Variants in NCKAP5 observed in about 807,000 individuals in gnomAD.
The protein encoded by NCKAP5 is NCK associated protein 5.
In NCKAP5, 92 loss-of-function variants were observed where a neutral mutation model predicts 167.0. That is an observed-to-expected ratio of 0.55 (90% CI 0.47 to 0.66). The LOEUF is 0.66. Ranked by LOEUF, NCKAP5 falls within the 30% of genes least tolerant of loss-of-function variation. The pLI, the probability that NCKAP5 is intolerant of heterozygous loss-of-function variation, is 0.00. For synonymous variants in NCKAP5, 891 were observed against 877.4 expected (o/e 1.02, Z -0.27); for missense variants, 2,378 against 2,315.0 (o/e 1.03, Z -0.56).
intron 12 of NCKAP5, among the ~76,000 whole-genome samples, chr2:132,793,292 G>A (rs2105133055): frequency 6.6e-6 from 1 of 152,340 alleles, no homozygotes; most frequent in African/African-American, 2.4e-5. Flanking sequence ...ACAGGTGTGA[G>A]CCACCGTGCC....
intron 5 of NCKAP5, among the ~76,000 whole-genome samples, chr2:133,154,536 T>C (rs1024785709): frequency 6.6e-6 from 1 of 152,224 alleles, no homozygotes; most frequent in South Asian, 2.1e-4. Context: ...GCTGAGATAA[T>C]ATGGCTTAGG....
chr2:133,308,046 C>A (rs1333954453), intron 3 of NCKAP5, among the ~76,000 whole-genome samples: 2 of 148,790 alleles, frequency 1.3e-5, no homozygotes, highest in Non-Finnish European at 3.0e-5. Context: ...GTGCATAAAT[C>A]ACTTTGAATA....
intron 3 of NCKAP5, among the ~76,000 whole-genome samples, chr2:133,511,380 T>G (rs1054279369): frequency 6.6e-6 from 1 of 152,176 alleles, no homozygotes. Context: ...CCCGGAGATC[T>G]GCACTGTTGG....
Position 132,782,222 on chromosome 2 carries a change from GT to G in NCKAP5, c.4588del (p.Thr1530ProfsTer3). ...LSSRKMDISKTKVEKKDAKVL... is the reference protein window; with the variant it reads ...LSSRKMDISKXKVEKKDAKVL... ...TTTTGCATCTTTCTTTTCTACTTTG[GT>G]TTTGGAGATGTCCATTTTCCTGCTA... On this transcript the variant is annotated frameshift_variant, in exon 14 of 20. Transcript: ENST00000409261. LOFTEE classifies it high-confidence loss of function. 1 of 1,613,518 alleles carries G rather than the reference GT, an allele frequency of 6.2e-7. No individual in the cohort carries two copies. Among genetic ancestry groups the G allele is most frequent in the Non-Finnish European group, 8.5e-7 (1 of 1,179,824 alleles).
Position 132,785,135 on chromosome 2 carries a change from A to G in NCKAP5, c.1676T>C (p.Val559Ala). The change falls in exon 14 of 20, where the codon GTA becomes GCA. Residue 559 changes from valine to alanine, a missense_variant. Coordinates refer to ENST00000409261, the MANE Select transcript of NCKAP5 (RefSeq NM_207363.3). Reference sequence around the variant, plus strand: ...GCCCTGTGGGCCCCTCTCCCTCTGTACCTGAGGCGTCTGCACACTTGGGCA... The same window carrying G: ...GCCCTGTGGGCCCCTCTCCCTCTGTGCCTGAGGCGTCTGCACACTTGGGCA... ...KLCPSVQTPQVQRERGPQGQG... is the reference protein window; with the variant it reads ...KLCPSVQTPQAQRERGPQGQG... 6.2e-7 allele frequency: 1 copy of G among 1,611,984 alleles called. No homozygotes were observed. The highest frequency in any genetic ancestry group is 8.5e-7 in the Non-Finnish European group (1 of 1,179,254).
At chr2:133,436,070 C>T (rs1574951601) in intron 3 of NCKAP5, among the ~76,000 whole-genome samples, 1 of 152,298 alleles carries the variant, frequency 6.6e-6, no homozygotes, top group African/African-American at 2.4e-5. Flanking sequence ...CCCATACATG[C>T]AATTAATTTT....
rs529754829 is a variant in NCKAP5 at position 132,933,117 on chromosome 2, G to T, written c.579+30603C>A. ...TATTTTTGTATTTTTAGTAGAGACG[G>T]GGTTTCACCGTGTTAGCCAGGATGG... On this transcript the variant is annotated intron_variant, in intron 8 of 19. Transcript: ENST00000409261. 9.2e-5 allele frequency among the ~76,000 whole-genome samples: 14 copies of T among 152,018 alleles called. No homozygotes were observed. In the South Asian group the frequency reaches 2.7e-3, roughly 29 times the overall value.
chr2:133,308,901 G>A (rs963245956), intron 3 of NCKAP5, among the ~76,000 whole-genome samples: 16 of 149,174 alleles, frequency 1.1e-4, no homozygotes, highest in African/African-American at 3.2e-4. Context: ...TAGTAGAGAC[G>A]GGGTTTCACC....
At chr2:133,538,931 GTTTTTT>G (rs71412735) in intron 2 of NCKAP5, among the ~76,000 whole-genome samples, 10 of 108,552 alleles carry the variant, frequency 9.2e-5, no homozygotes, top group South Asian at 6.2e-4. Context: ...GTTTTTTTGG[GTTTTTT>G]TTTTTTTTTT....
chr2:133,609,178 G>A, the NCKAP5 span, among the ~76,000 whole-genome samples: 362 of 152,164 alleles, frequency 2.4e-3, no homozygotes, highest in Middle Eastern at 6.8e-3. Context: ...TATTTTTAAT[G>A]TACTCATTTT....
chr2:132,785,923 G>A (rs1683528662), intron 13 of NCKAP5, among the ~76,000 whole-genome samples: 1 of 152,210 alleles, frequency 6.6e-6, no homozygotes, highest in African/African-American at 2.4e-5. Flanking sequence ...GAAGCACAGC[G>A]ATCTAAAGAA....
chr2:133,045,066 A>G (rs1280005327), intron 6 of NCKAP5, among the ~76,000 whole-genome samples: 1 of 152,100 alleles, frequency 6.6e-6, no homozygotes, highest in South Asian at 2.1e-4. Flanking sequence ...GAAGAAAAAA[A>G]AAAGAAAGAA....
chr2:133,631,713 C>T, the NCKAP5 span, among the ~76,000 whole-genome samples: 3 of 152,178 alleles, frequency 2.0e-5, no homozygotes, highest in African/African-American at 7.2e-5. Context: ...AGTCTTCCAT[C>T]CTCATGGCCA....
intron 11 of NCKAP5, among the ~76,000 whole-genome samples, chr2:132,841,524 T>A (rs533262893): frequency 6.6e-6 from 1 of 152,108 alleles, no homozygotes; most frequent in African/African-American, 2.4e-5. Context: ...CATTTTCACG[T>A]CTTATTACCT....
At chr2:133,165,400 T>C (rs1264122611) in intron 5 of NCKAP5, among the ~76,000 whole-genome samples, 2 of 152,188 alleles carry the variant, frequency 1.3e-5, no homozygotes, top group Non-Finnish European at 2.9e-5. Context: ...TAAGAAAATC[T>C]TTTAAAAGTC....
intron 19 of NCKAP5, among the ~76,000 whole-genome samples, chr2:132,683,104 G>A (rs910287196): frequency 6.6e-6 from 1 of 151,806 alleles, no homozygotes. Context: ...GGCTGGTTTC[G>A]AATACCTGAC....
intron 8 of NCKAP5, among the ~76,000 whole-genome samples, chr2:132,902,687 C>T (rs1054142899): frequency 7.9e-5 from 12 of 152,184 alleles, no homozygotes; most frequent in Non-Finnish European, 1.6e-4. Flanking sequence ...AAAGAATCGC[C>T]GTGAGGCCTC....
intron 8 of NCKAP5, among the ~76,000 whole-genome samples, chr2:132,922,424 C>G (rs1160352778): frequency 3.3e-5 from 5 of 152,126 alleles, no homozygotes; most frequent in African/African-American, 7.2e-5. Flanking sequence ...TGTGATCATG[C>G]AATTCCTCTC....
intron 6 of NCKAP5, among the ~76,000 whole-genome samples, chr2:133,116,250 G>A (rs1161753475): frequency 1.2e-5 from 1 of 86,150 alleles, no homozygotes; most frequent in Non-Finnish European, 2.2e-5. Context: ...CACTTTGGGA[G>A]GCCGAGGCGG....
Sources: gnomAD v4.1 joint callset for allele counts (sites outside exome capture counted in the v4.1 genomes callset) on GRCh38, gnomAD v4.1.1 for gene constraint, MANE v1.5 for transcripts, NCBI Gene and HGNC (gene_info 2026-07-23, HGNC 2026-07-21) for gene names.